RASA1: variants seen among roughly 807,000 people sequenced by gnomAD.
The protein encoded by RASA1 is RAS p21 protein activator 1.
Under a neutral mutation model 132.2 loss-of-function variants are expected in RASA1, and 25 were observed. That is an observed-to-expected ratio of 0.19 (90% CI 0.14 to 0.26). The LOEUF is 0.26. Among genes scored for constraint, RASA1 ranks in the 10% least tolerant of loss-of-function variants. RASA1 has a pLI of 1.00. For synonymous variants in RASA1, 477 were observed against 449.9 expected, an observed-to-expected ratio of 1.06 and a Z score of -0.76; for missense variants, 964 against 1,299.2, an observed-to-expected ratio of 0.74 and a Z score of 3.97.
intron 19 of RASA1, 44 bp downstream of exon 19, chr5:87,379,894 G>A: frequency 6.3e-7 from 1 of 1,577,580 alleles, no homozygotes; most frequent in Non-Finnish European, 8.7e-7. Flanking sequence ...GTGTATCTAT[G>A]TCTTCAGAAA....
intron 1 of RASA1, among the ~76,000 whole-genome samples, chr5:87,287,426 TAC>T (rs1754670085): frequency 6.8e-6 from 1 of 146,076 alleles, no homozygotes; most frequent in African/African-American, 2.5e-5. Flanking sequence ...ACACCATATA[TAC>T]ACACCATATA....
intron 1 of RASA1, among the ~76,000 whole-genome samples, chr5:87,281,510 C>T (rs1754316826): frequency 6.6e-6 from 1 of 152,050 alleles, no homozygotes; most frequent in African/African-American, 2.4e-5. Context: ...TGTTGAGCAT[C>T]TTTTCATGTG....
rs768103774 is a variant in RASA1, at chr5:87,332,472, ATTTT to A, written c.693-31_693-28del. ...TTGATTTTTAAAATTGGCTGTAAAG[ATTTT>A]TTTATACTGTATTTTTTCCTGTTCA... On this transcript the variant is annotated intron_variant, in intron 2 of 24. Transcript: ENST00000274376. 4 of 1,574,762 alleles carry A rather than the reference ATTTT, an allele frequency of 2.5e-6. No individual in the cohort carries two copies. The Admixed American group carries it at 5.1e-5, about 20-fold the overall frequency.
chr5:87,287,640 TACC>T (rs1168939879), intron 1 of RASA1, among the ~76,000 whole-genome samples: 4 of 144,844 alleles, frequency 2.8e-5, no homozygotes, highest in African/African-American at 1.1e-4. Flanking sequence ...GCCATAGATA[TACC>T]ATATATATAC....
At chr5:87,276,396 A>G (rs2112237330) in intron 1 of RASA1, among the ~76,000 whole-genome samples, 1 of 152,312 alleles carries the variant, frequency 6.6e-6, no homozygotes, top group Middle Eastern at 3.4e-3. Flanking sequence ...AATTGTTGTT[A>G]TTAGATACAA....
At chr5:87,277,982 A>T (rs867634876) in intron 1 of RASA1, among the ~76,000 whole-genome samples, 1 of 152,134 alleles carries the variant, frequency 6.6e-6, no homozygotes, top group Admixed American at 6.6e-5. Flanking sequence ...AATTTTCTGT[A>T]TTCAATGTGT....
At chr5:87,340,848 A>C (rs965848447) in intron 5 of RASA1, among the ~76,000 whole-genome samples, 1 of 152,182 alleles carries the variant, frequency 6.6e-6, no homozygotes, top group Admixed American at 6.5e-5. Context: ...ATGTGTGACC[A>C]TGGTATAGGA....
intron 14 of RASA1, 134 bp downstream of exon 14, chr5:87,374,454 TATATA>T (rs1761172609): frequency 7.3e-6 from 2 of 275,328 alleles, no homozygotes; most frequent in Non-Finnish European, 1.2e-5. Context: ...TATATATATA[TATATA>T]TTTTTTTTTT....
In RASA1 at chr5:87,305,856, C is replaced by T. The variant is rs138504917; in HGVS notation, c.540-25492C>T. On this transcript the variant is annotated intron_variant, in intron 1 of 24. Coordinates refer to ENST00000274376, the MANE Select transcript of RASA1 (RefSeq NM_002890.3). ...CATGTTTCAAAAGAAGACGTACTTG[C>T]GGGCAAGAATCAGATGAAATAAAGC... 2.5e-4 allele frequency among the ~76,000 whole-genome samples: 38 copies of T among 152,254 alleles called. 1 individual carries two copies. The South Asian group carries it at 5.4e-3, about 22-fold the overall frequency.
intron 1 of RASA1, chr5:87,269,423 ATAAT>A: frequency 1.9e-6 from 2 of 1,068,306 alleles, no homozygotes; most frequent in South Asian, 3.0e-5. Context: ...TACTATAGTA[ATAAT>A]TTGAAAAATG....
At position 87,343,683 on chromosome 5, in the gene RASA1, T is replaced by G. The variant is rs563272204; in HGVS notation, c.1049+2362T>G. Reference sequence around the variant, plus strand: ...TGGAAGTTCTTCAAAAAATTAAAAATAAAGCTACCATATGATCCGGCAATC... The same window carrying G: ...TGGAAGTTCTTCAAAAAATTAAAAAGAAAGCTACCATATGATCCGGCAATC... On this transcript the variant is annotated intron_variant, in intron 6 of 24. Transcript: ENST00000274376. 2.6e-5 allele frequency among the ~76,000 whole-genome samples: 4 copies of G among 152,158 alleles called. No homozygotes were observed. In the East Asian group the frequency reaches 7.7e-4, roughly 29 times the overall value.
intron 1 of RASA1, among the ~76,000 whole-genome samples, chr5:87,281,535 A>G (rs7719891): frequency 0.28 from 42,461 of 151,644 alleles, 6,102 homozygotes; most frequent in East Asian, 0.45. Flanking sequence ...TTGGCCATTT[A>G]TATATATATC....
At chr5:87,312,218 C>T (rs1043047771) in intron 1 of RASA1, among the ~76,000 whole-genome samples, 1 of 152,092 alleles carries the variant, frequency 6.6e-6, no homozygotes, top group Non-Finnish European at 1.5e-5. Flanking sequence ...TTATATGTAA[C>T]TTTAGTAAGT....
At chr5:87,370,921 A>C (rs1476333387) in intron 12 of RASA1, among the ~76,000 whole-genome samples, 1 of 152,156 alleles carries the variant, frequency 6.6e-6, no homozygotes, top group African/African-American at 2.4e-5. Context: ...ATCTTTATCA[A>C]ATATCTCATT....
chr5:87,276,200 A>G (rs191782419), intron 1 of RASA1, among the ~76,000 whole-genome samples: 1 of 152,258 alleles, frequency 6.6e-6, no homozygotes, highest in Admixed American at 6.5e-5. Context: ...CAGGCCCAGC[A>G]AGCTAAGTTG....
chr5:87,318,839 A>G (rs931430928), intron 1 of RASA1: 9 of 152,224 alleles, frequency 5.9e-5, no homozygotes, highest in African/African-American at 2.2e-4. Context: ...TCCTTCCAGC[A>G]TTAACTGAAA....
intron 9 of RASA1, among the ~76,000 whole-genome samples, chr5:87,359,545 A>G (rs751768355): frequency 6.6e-6 from 1 of 152,162 alleles, no homozygotes; most frequent in Non-Finnish European, 1.5e-5. Context: ...GGAATCAAGT[A>G]TTTAAATCCA....
rs1561292504 is a variant in RASA1 at position 87,338,534 on chromosome 5, A to ATATATATATATAT, written c.1017+443_1017+444insTATATATATATAT. Among the ~76,000 whole-genome samples the ATATATATATATAT allele has an allele frequency of 1.2e-3, 56 of 46,084 alleles. 1 individual carries two copies. Among genetic ancestry groups the ATATATATATATAT allele is most frequent in the South Asian group, 3.0e-3 (4 of 1,354 alleles). 30.2% of individuals were successfully genotyped at this position (46,084 alleles called of 152,430 possible). On this transcript the variant is annotated intron_variant, in intron 5 of 24. Transcript: ENST00000274376. ...ATATATATATATATATATATATATAAAATTTTTTTTTTTTTTAAGTAGAAA... is the reference window on the plus strand; with the variant it reads ...ATATATATATATATATATATATATAATATATATATATATAATTTTTTTTTTTTTTAAGTAGAAA...
chr5:87,376,641 G>A (rs1287377990), intron 16 of RASA1, 76 bp downstream of exon 16: 24 of 1,512,778 alleles, frequency 1.6e-5, no homozygotes, highest in Non-Finnish European at 2.1e-5. Context: ...GATCCATTAA[G>A]GTAAACATAG....
Sources: gnomAD v4.1 joint callset for allele counts (sites outside exome capture counted in the v4.1 genomes callset) on GRCh38, gnomAD v4.1.1 for gene constraint, MANE v1.5 for transcripts, NCBI Gene and HGNC (gene_info 2026-07-23, HGNC 2026-07-21) for gene names.